CFB: variants seen among roughly 807,000 people sequenced by gnomAD.
CFB encodes the protein complement factor B.
In CFB, 59 loss-of-function variants were observed where a neutral mutation model predicts 97.2. The observed-to-expected ratio is 0.61, with a 90% CI of 0.49 to 0.75. CFB has a LOEUF of 0.75. Ranked by LOEUF, CFB falls within the 30% of genes least tolerant of loss-of-function variation. CFB has a pLI of 0.00. For missense variants in CFB, 771 were observed against 959.8 expected, an observed-to-expected ratio of 0.80 and a Z score of 2.60; for synonymous variants, 316 against 351.7, an observed-to-expected ratio of 0.90 and a Z score of 1.14.
At chr6:31,950,491 C>T (rs1771689445) in intron 12 of CFB, 88 bp downstream of exon 12, 2 of 1,561,986 alleles carry the variant, frequency 1.3e-6, no homozygotes, top group East Asian at 4.5e-5. Context: ...TCCACCCATC[C>T]TCAATGCAGC....
chr6:31,950,100 G>T lies in CFB; in HGVS notation c.1459G>T (p.Gly487Cys), dbSNP rs1771655021. The change falls in exon 11 of 18, where the codon GGT (glycine) becomes TGT (cysteine). Residue 487 changes from glycine (G) to cysteine (C), a missense_variant. Coordinates refer to ENST00000425368, the MANE Select transcript of CFB (RefSeq NM_001710.6). The stretch of plus-strand genomic sequence containing the variant: ...TGGCATGGTTTGGGAACACAGGAAG[G>T]GTACCGATTACCACAAGCAACCATG... ...LCGMVWEHRK[G>C]TDYHKQPWQA... 1 of 1,613,028 alleles carries T rather than the reference G, an allele frequency of 6.2e-7. No individual in the cohort carries two copies. The highest frequency in any genetic ancestry group is 8.5e-7 in the Non-Finnish European group (1 of 1,180,038).
Position 31,951,149 on chromosome 6 carries a change from G to A in CFB, c.1861G>A (p.Glu621Lys), listed in dbSNP as rs573842877. The A allele has an allele frequency of 1.1e-5, 18 of 1,612,942 alleles. No individual in the cohort carries two copies. The Admixed American group carries it at 2.5e-4, about 22-fold the overall frequency. ...GACGCAGTCTATTCGTCCAGAGGAA[G>A]AGCTGCTCCCTGCACAGGATATCAA... The part of the protein sequence containing the change: ...PTTTCQQQKE[E>K]LLPAQDIKAL... Residue 621 changes from glutamate (E) to lysine (K), a missense_variant, in exon 15 of 18, where the codon GAG (glutamate) becomes AAG (lysine). Glu to Lys is a moderately conservative substitution (Grantham distance 56). Coordinates refer to ENST00000425368, the MANE Select transcript of CFB (RefSeq NM_001710.6). The surrounding 1 kb of genome is among the most constrained non-coding windows in gnomAD (Gnocchi z 4.3).
rs202177308 is a variant in CFB at position 31,950,570 on chromosome 6, G to A, written c.1625-49G>A. 3.1e-6 allele frequency: 5 copies of A among 1,611,780 alleles called. No individual in the cohort carries two copies. The South Asian group carries it at 4.4e-5, about 14-fold the overall frequency. On this transcript the variant is annotated intron_variant, in intron 12 of 17. Coordinates refer to ENST00000425368, the MANE Select transcript of CFB (RefSeq NM_001710.6). ...TGAAGTTAGGAATGACACGGGGCCA[G>A]AGGCAGGAAGCTGCCCACAAAGAGG...
At chr6:31,949,587 A>G in intron 10 of CFB, 30 bp downstream of exon 10, 1 of 1,612,066 alleles carries the variant, frequency 6.2e-7, no homozygotes, top group Non-Finnish European at 8.5e-7. Flanking sequence ...TAAAGAACAC[A>G]ACTCTCCTCA....
chr6:31,950,595 G>C (rs1447005471), intron 12 of CFB, 24 bp from the exon 13 acceptor site: 2 of 1,612,848 alleles, frequency 1.2e-6, no homozygotes, highest in Non-Finnish European at 1.7e-6. Context: ...CCACAAAGAG[G>C]TGGTACCTAC....
Position 31,947,441 on chromosome 6 carries a change from G to A in CFB, c.578G>A (p.Arg193Gln), listed in dbSNP as rs1440561932. ...GACAGCGTCACCTACCACTGCAGCC[G>A]GGGGCTTACCCTGCGTGGCTCCCAG... ...LEDSVTYHCS[R>Q]GLTLRGSQRR... The change falls in exon 4 of 18, where the codon CGG becomes CAG. Residue 193 changes from arginine (R) to glutamine (Q), a missense_variant. Physicochemically the swap from Arg to Gln is conservative, Grantham distance 43. Transcript: ENST00000425368. The surrounding 1 kb of genome is among the most constrained non-coding windows in gnomAD (Gnocchi z 5.3). 3.4e-5 allele frequency: 55 copies of A among 1,612,848 alleles called. No homozygotes were observed. Among genetic ancestry groups the A allele is most frequent in the Non-Finnish European group, 3.4e-5 (40 of 1,180,022 alleles).
At position 31,946,634 on chromosome 6, in the gene CFB, G is replaced by T. The variant is rs984244656; in HGVS notation, c.298+28G>T. ...TTGAGGGCAATGAGTGTGGGCAGTG[G>T]CCTAAGGCAGAAACAGGGCAGGCGG... On this transcript the variant is annotated intron_variant, in intron 2 of 17. Transcript: ENST00000425368. The surrounding 1 kb of genome is among the most constrained non-coding windows in gnomAD (Gnocchi z 6.4). 6.3e-7 allele frequency: 1 copy of T among 1,588,558 alleles called. No individual in the cohort carries two copies. The highest frequency in any genetic ancestry group is 2.2e-5 in the East Asian group (1 of 44,792).
rs1376624938 is a variant in CFB at position 31,948,460 on chromosome 6, C to T, written c.984C>T (p.Asp328=). The change falls in exon 7 of 18, where the codon GAC becomes GAT. Residue 328 remains aspartate (D), a synonymous_variant. Coordinates refer to ENST00000425368, the MANE Select transcript of CFB (RefSeq NM_001710.6). ...TTTGGGTCAAAGTGTCTGAAGCAGA[C>T]AGCAGTAATGCAGACTGGGTCACGA... The part of the protein sequence containing the change: ...PKIWVKVSEA[D]SSNADWVTKQ... The T allele has an allele frequency of 1.2e-6, 2 of 1,614,070 alleles. No individual in the cohort carries two copies. The highest frequency in any genetic ancestry group is 1.7e-6 in the Non-Finnish European group (2 of 1,180,054).
Position 31,948,053 on chromosome 6 carries a change from A to T in CFB, c.869A>T (p.Lys290Ile). Reference sequence around the variant, plus strand: ...GGGGCCAGCAACTTCACAGGAGCCAAAAAGTGTCTAGTCAACTTAATTGAG... The same window carrying T: ...GGGGCCAGCAACTTCACAGGAGCCATAAAGTGTCTAGTCAACTTAATTGAG... ...SIGASNFTGA[K>I]KCLVNLIEKV... The change falls in exon 6 of 18, where the codon AAA (lysine) becomes ATA (isoleucine). Residue 290 changes from lysine (K) to isoleucine (I), a missense_variant. Physicochemically the swap from Lys to Ile is moderately radical, Grantham distance 102. Coordinates refer to ENST00000425368, the MANE Select transcript of CFB (RefSeq NM_001710.6). The T allele has an allele frequency of 6.2e-7, 1 of 1,614,188 alleles. No individual in the cohort carries two copies. Among genetic ancestry groups the T allele is most frequent in the Non-Finnish European group, 8.5e-7 (1 of 1,180,036 alleles).
At position 31,948,899 on chromosome 6, in the gene CFB, C is replaced by T. The variant is rs200890358; in HGVS notation, c.1106C>T (p.Pro369Leu). The T allele has an allele frequency of 2.0e-4, 323 of 1,612,858 alleles. 3 individuals are homozygous for T. In the South Asian group the frequency reaches 3.1e-3, roughly 15 times the overall value. ...GCAGTGTACAGCATGATGAGCTGGCCAGATGACGTCCCTCCTGAAGGCTGG... is the reference window on the plus strand; with the variant it reads ...GCAGTGTACAGCATGATGAGCTGGCTAGATGACGTCCCTCCTGAAGGCTGG... ...LQAVYSMMSW[P>L]DDVPPEGWNR... The change falls in exon 8 of 18, where the codon CCA (proline) becomes CTA (leucine). Residue 369 changes from proline to leucine, a missense_variant. Coordinates refer to ENST00000425368, the MANE Select transcript of CFB (RefSeq NM_001710.6).
At position 31,947,109 on chromosome 6, in the gene CFB, G is replaced by A. The variant is rs762998024; in HGVS notation, c.401G>A (p.Gly134Asp). 3.1e-6 allele frequency: 5 copies of A among 1,613,002 alleles called. No homozygotes were observed. The highest frequency in any genetic ancestry group is 1.6e-4 in the Middle Eastern group (1 of 6,062). ...SDEISFHCYD[G>D]YTLRGSANRT... Reference sequence around the variant, plus strand: ...GAGATCTCTTTCCACTGCTATGACGGTTACACTCTCCGGGGCTCTGCCAAT... The same window carrying A: ...GAGATCTCTTTCCACTGCTATGACGATTACACTCTCCGGGGCTCTGCCAAT... The change falls in exon 3 of 18, where the codon GGT becomes GAT. Residue 134 changes from glycine to aspartate, a missense_variant. Physicochemically the swap from Gly to Asp is moderately conservative, Grantham distance 94 (BLOSUM62 -1). Coordinates refer to ENST00000425368, the MANE Select transcript of CFB (RefSeq NM_001710.6). This position sits in a 1 kb window ranked among gnomAD's most constrained non-coding sequence, Gnocchi z 5.3.
Position 31,952,053 on chromosome 6 carries a change from C to T in CFB, c.*23C>T, listed in dbSNP as rs4151672. ...TAAGGGGTTTCCTGCTGGACAGGGGCGTGGGATTGAATTAAAACAGCTGCG... is the reference window on the plus strand; with the variant it reads ...TAAGGGGTTTCCTGCTGGACAGGGGTGTGGGATTGAATTAAAACAGCTGCG... On this transcript the variant is annotated 3_prime_UTR_variant, in exon 18 of 18. Coordinates refer to ENST00000425368, the MANE Select transcript of CFB (RefSeq NM_001710.6). 0.042 allele frequency: 67,368 copies of T among 1,611,310 alleles called. 1,529 individuals are homozygous for T. The highest frequency in any genetic ancestry group is 0.052 in the South Asian group (4,721 of 91,068).
chr6:31,948,530 G>A lies in CFB; in HGVS notation c.1036+18G>A. The A allele has an allele frequency of 1.2e-6, 2 of 1,613,950 alleles. No individual in the cohort carries two copies. Among genetic ancestry groups the A allele is most frequent in the Non-Finnish European group, 1.7e-6 (2 of 1,180,040 alleles). ...TTATGAAGGTCAGAGGTTAGGGAAT[G>A]GTGGGAGGTTCACTTTGGGGTCAGG... On this transcript the variant is annotated intron_variant, in intron 7 of 17. Coordinates refer to ENST00000425368, the MANE Select transcript of CFB (RefSeq NM_001710.6).
Position 31,948,838 on chromosome 6 carries a change from T to C in CFB, c.1045T>C (p.Leu349=). ...LNEINYEDHK[L]KSGTNTKKAL... ...CTCTTCCCTCTCCACAGACCACAAG[T>C]TGAAGTCAGGGACTAACACCAAGAA... The change falls in exon 8 of 18, where the codon TTG becomes CTG. Residue 349 remains leucine (L), a synonymous_variant. Coordinates refer to ENST00000425368, the MANE Select transcript of CFB (RefSeq NM_001710.6). The C allele has an allele frequency of 1.9e-6, 3 of 1,613,012 alleles. No homozygotes were observed. The highest frequency in any genetic ancestry group is 2.5e-6 in the Non-Finnish European group (3 of 1,180,026).
At chr6:31,948,774 G>A (rs1771585130) in intron 7 of CFB, 56 bp from the exon 8 acceptor site, 6 of 1,612,684 alleles carry the variant, frequency 3.7e-6, no homozygotes, top group Non-Finnish European at 5.1e-6. Context: ...TGGTCTCTGG[G>A]GTTAAAAGAT....
chr6:31,951,407 G>A lies in CFB; in HGVS notation c.2023G>A (p.Val675Met), dbSNP rs778556793. The A allele has an allele frequency of 1.1e-5, 18 of 1,614,070 alleles. No individual in the cohort carries two copies. In the South Asian group the frequency reaches 1.2e-4, roughly 11 times the overall value. Residue 675 changes from valine (V) to methionine (M), a missense_variant, in exon 16 of 18, where the codon GTG becomes ATG. Transcript: ENST00000425368. This position sits in a 1 kb window ranked among gnomAD's most constrained non-coding sequence, Gnocchi z 4.3. The stretch of plus-strand genomic sequence containing the variant: ...TGACAAAGTCAAGGACATCTCAGAG[G>A]TGGTCACCCCTCGGTTCCTTTGTAC... ...GYDKVKDISE[V>M]VTPRFLCTGG...
Position 31,951,794 on chromosome 6 carries a change from C to T in CFB, c.2140-81C>T. On this transcript the variant is annotated intron_variant, in intron 17 of 17. Transcript: ENST00000425368. The surrounding 1 kb of genome is among the most constrained non-coding windows in gnomAD (Gnocchi z 4.3). The stretch of plus-strand genomic sequence containing the variant: ...CCCTAGTCTGATTCCTTTAGGTCAG[C>T]TAAGACACAAGCAGGAACAGCCATG... The T allele has an allele frequency of 6.2e-7, 1 of 1,606,220 alleles. No homozygotes were observed. The highest frequency in any genetic ancestry group is 8.5e-7 in the Non-Finnish European group (1 of 1,174,036).
rs753195061 is a variant in CFB, at chr6:31,950,576, G to C, written c.1625-43G>C. On this transcript the variant is annotated intron_variant, in intron 12 of 17. Transcript: ENST00000425368. ...TAGGAATGACACGGGGCCAGAGGCA[G>C]GAAGCTGCCCACAAAGAGGTGGTAC... The C allele has an allele frequency of 4.3e-6, 7 of 1,612,440 alleles. No homozygotes were observed. In the South Asian group the frequency reaches 7.7e-5, roughly 18 times the overall value.
At chr6:31,948,105 T>G (rs199869435) in intron 6 of CFB, 24 bp downstream of exon 6, 1 of 1,607,836 alleles carries the variant, frequency 6.2e-7, no homozygotes, top group African/African-American at 1.3e-5. Flanking sequence ...ATCCCTGAAC[T>G]CGGGGGAATG....
Sources: allele counts gnomAD v4.1 joint callset, GRCh38; gene constraint gnomAD v4.1.1; non-coding constraint Gnocchi (gnomAD v3.1); transcripts MANE v1.5; gene names NCBI Gene and HGNC (gene_info 2026-07-23, HGNC 2026-07-21).